GTF3C2: variants seen among roughly 807,000 people sequenced by gnomAD.
GTF3C2 encodes the protein general transcription factor 3C polypeptide 2.
Under a neutral mutation model 117.4 loss-of-function variants are expected in GTF3C2, and 17 were observed. The observed-to-expected ratio is 0.14, with a 90% confidence interval of 0.10 to 0.22. The LOEUF (loss-of-function observed/expected upper bound fraction) is 0.22. Among genes scored for constraint, GTF3C2 ranks in the 10% least tolerant of loss-of-function variants. The probability of loss-of-function intolerance (pLI) is 1.00; values close to 1 mark genes in which losing one functional copy is unlikely to be tolerated. For missense variants in GTF3C2, 888 were observed against 1,143.6 expected (o/e 0.78, Z 3.22); for synonymous variants, 437 against 427.0 (o/e 1.02, Z -0.29).
chr2:27,340,018 A>T (rs1327082551), intron 4 of GTF3C2: 1 of 151,006 alleles, frequency 6.6e-6, no homozygotes, highest in Admixed American at 6.6e-5. Flanking sequence ...GGGAAAAAAG[A>T]AAGTGAATTC....
chr2:27,332,706 G>T (rs1680321161), intron 12 of GTF3C2, among the ~76,000 whole-genome samples: 2 of 142,490 alleles, frequency 1.4e-5, no homozygotes, highest in Admixed American at 1.4e-4. Flanking sequence ...GAGCCACCGT[G>T]CCCGGCCTAA....
At chr2:27,326,072 G>C (rs1680063651) in exon 19 of GTF3C2, 1 of 387,164 alleles carries the variant, frequency 2.6e-6, no homozygotes, top group Non-Finnish European at 5.2e-6. Context: ...CCAGTGATTG[G>C]GAATACTTCG....
At chr2:27,336,703 G>A (rs1472285663) in intron 7 of GTF3C2, 5 of 373,482 alleles carry the variant, frequency 1.3e-5, no homozygotes, top group Non-Finnish European at 2.4e-5. Flanking sequence ...TGACCTCCCA[G>A]GCTCAAGTGG....
intron 1 of GTF3C2, among the ~76,000 whole-genome samples, chr2:27,350,032 G>C (rs1354376757): frequency 2.6e-5 from 4 of 152,050 alleles, no homozygotes; most frequent in Admixed American, 2.0e-4. Flanking sequence ...AGCATCAAAA[G>C]ATACAAAGCA....
intron 1 of GTF3C2, among the ~76,000 whole-genome samples, chr2:27,349,144 A>ATTTTTTTTTTTTTT (rs36040548): frequency 2.5e-5 from 1 of 39,218 alleles, no homozygotes; most frequent in African/African-American, 6.6e-5. Context: ...GCCTGATTTG[A>ATTTTTTTTTTTTTT]TTTTTTTTTT....
At chr2:27,342,430 A>AT (rs1680769635) in intron 3 of GTF3C2, 197 bp from the exon 4 acceptor site, 1 of 582,756 alleles carries the variant, frequency 1.7e-6, no homozygotes, top group Admixed American at 3.0e-5. Flanking sequence ...GATGACTGAG[A>AT]TAACAAATGT....
exon 5 of GTF3C2, chr2:27,337,949 C>T: frequency 6.2e-7 from 1 of 1,608,954 alleles, no homozygotes. Context: ...GATGGAGGCA[C>T]TTCCAAACAG....
chr2:27,325,982 G>T (rs1432234354), exon 19 of GTF3C2: 1 of 216,896 alleles, frequency 4.6e-6, no homozygotes, highest in East Asian at 1.3e-4. Flanking sequence ...GAAATTTATA[G>T]AAGTATACTC....
chr2:27,332,392 TTTAA>T (rs1329653264), intron 12 of GTF3C2, among the ~76,000 whole-genome samples: 1 of 151,962 alleles, frequency 6.6e-6, no homozygotes, highest in African/African-American at 2.4e-5. Context: ...TTCCTCACTT[TTTAA>T]TTTTTTAAAA....
intron 4 of GTF3C2, chr2:27,340,798 T>A (rs975918210): frequency 1.3e-4 from 19 of 151,718 alleles, no homozygotes; most frequent in African/African-American, 4.1e-4. Context: ...TTTTTTTTTT[T>A]TTTATTTTTA....
At position 27,328,026 on chromosome 2, in the gene GTF3C2, C is replaced by A. The variant is rs754910327; in HGVS notation, c.2409+11G>T. ...TCTAATACCACACCCATTCTCCTGG[C>A]CTCAGCTTACCAAATCTGTGTCTTG... On this transcript the variant is annotated intron_variant, in intron 17 of 18. Coordinates refer to ENST00000264720, the Ensembl canonical transcript of GTF3C2. 1.2e-6 allele frequency: 2 copies of A among 1,606,704 alleles called. No homozygotes were observed. The highest frequency in any genetic ancestry group is 1.7e-6 in the Non-Finnish European group (2 of 1,176,756).
intron 10 of GTF3C2, among the ~76,000 whole-genome samples, chr2:27,334,991 T>G (rs1045757575): frequency 1.3e-5 from 2 of 152,176 alleles, no homozygotes; most frequent in African/African-American, 4.8e-5. Flanking sequence ...CTATCTTTAC[T>G]TTCTGACCTT....
chr2:27,335,290 G>T, intron 10 of GTF3C2: 1 of 531,928 alleles, frequency 1.9e-6, no homozygotes. Context: ...CTATCTATCA[G>T]CCCAAGCCCT....
chr2:27,337,606 G>A (rs1052381094), intron 5 of GTF3C2, 48 bp from the exon 6 acceptor site: 6 of 1,240,870 alleles, frequency 4.8e-6, no homozygotes, highest in South Asian at 1.2e-5. Context: ...TTCTACAGCC[G>A]CACAGTCCAA....
chr2:27,354,028 C>T (rs915626459), intron 1 of GTF3C2, among the ~76,000 whole-genome samples: 25 of 137,346 alleles, frequency 1.8e-4, no homozygotes, highest in South Asian at 1.6e-3. Context: ...CAGCCTATAA[C>T]GTATGTATAA....
At chr2:27,341,208 G>A (rs957379401) in intron 4 of GTF3C2, among the ~76,000 whole-genome samples, 3 of 151,328 alleles carry the variant, frequency 2.0e-5, no homozygotes, top group Non-Finnish European at 4.4e-5. Context: ...GCTAATTTTT[G>A]TATTTTTAGG....
chr2:27,336,034 G>C lies in GTF3C2; in HGVS notation c.1356-6C>G, dbSNP rs776434887. 7 of 1,587,486 alleles carry C rather than the reference G, an allele frequency of 4.4e-6. No individual in the cohort carries two copies. Among genetic ancestry groups the C allele is most frequent in the Admixed American group, 3.3e-5 (2 of 59,976 alleles). ...AGTGGGCCCTGTTGCCAGGACTGGA[G>C]AGAGAGAGCATGTGGGGATGGTGGG... On this transcript the variant is annotated splice_polypyrimidine_tract_variant and splice_region_variant and intron_variant, in intron 8 of 18. Coordinates refer to ENST00000264720, the Ensembl canonical transcript of GTF3C2.
chr2:27,328,188 G>A, exon 17 of GTF3C2: 9 of 1,568,038 alleles, frequency 5.7e-6, no homozygotes, highest in African/African-American at 1.4e-5. Context: ...TTTATATATA[G>A]GCTGGAAAGG....
chr2:27,344,026 T>C (rs1396354625), intron 1 of GTF3C2, among the ~76,000 whole-genome samples: 1 of 54,236 alleles, frequency 1.8e-5, no homozygotes, highest in Non-Finnish European at 4.1e-5. Context: ...AAAGCTTCCA[T>C]TTTTTTTTTT....
Sources: gnomAD v4.1 joint callset for allele counts (sites outside exome capture counted in the v4.1 genomes callset) on GRCh38, gnomAD v4.1.1 for gene constraint, MANE v1.5 for transcripts, NCBI Gene and HGNC (gene_info 2026-07-23, HGNC 2026-07-21) for gene names.